Variants in LYRM4 observed in about 807,000 individuals in gnomAD.
The protein encoded by LYRM4 is LYR motif-containing protein 4.
In LYRM4, 9 loss-of-function variants were observed where a neutral mutation model predicts 11.7. The observed-to-expected ratio is 0.77, with a 90% confidence interval of 0.46 to 1.34. The LOEUF (loss-of-function observed/expected upper bound fraction) is 1.34. Ranked by LOEUF, LYRM4 falls within the 40% of genes most tolerant of loss-of-function variation. The pLI is 0.00. For synonymous variants in LYRM4, 42 were observed against 40.4 expected (o/e 1.04, Z -0.15); for missense variants, 133 against 112.5 (o/e 1.18, Z -0.82).
intron 2 of LYRM4, among the ~76,000 whole-genome samples, chr6:5,127,176 C>T (rs1411759221): frequency 6.6e-6 from 1 of 152,182 alleles, no homozygotes; most frequent in Non-Finnish European, 1.5e-5. Context: ...TCTCAAACTT[C>T]TGACCTTAAG....
At chr6:5,097,229 C>T in the LYRM4 span, among the ~76,000 whole-genome samples, 15 of 145,504 alleles carry the variant, frequency 1.0e-4, no homozygotes, top group Non-Finnish European at 2.1e-4. Context: ...AGGTTTCTCT[C>T]CCTCTTCTTA....
At chr6:5,177,998 AT>A (rs5873970) in intron 2 of LYRM4, among the ~76,000 whole-genome samples, 9 of 150,100 alleles carry the variant, frequency 6.0e-5, no homozygotes, top group African/African-American at 1.5e-4. Context: ...ATATGCCACT[AT>A]TTTTTTTTTA....
intron 2 of LYRM4, among the ~76,000 whole-genome samples, chr6:5,133,600 A>T (rs2127615456): frequency 6.6e-6 from 1 of 152,356 alleles, no homozygotes; most frequent in Admixed American, 6.5e-5. Context: ...CAGAATTATA[A>T]AAAATTGTGG....
chr6:5,252,634 G>A (rs1764487432), intron 1 of LYRM4, among the ~76,000 whole-genome samples: 1 of 152,104 alleles, frequency 6.6e-6, no homozygotes, highest in African/African-American at 2.4e-5. Flanking sequence ...TGCTAGAATA[G>A]CTGTATCCTA....
At chr6:5,144,089 G>T (rs1439739869) in intron 2 of LYRM4, 2 of 1,502,078 alleles carry the variant, frequency 1.3e-6, no homozygotes, top group African/African-American at 2.8e-5. Flanking sequence ...AATGCTTAGA[G>T]AGGTGAGAGC....
intron 2 of LYRM4, among the ~76,000 whole-genome samples, chr6:5,188,587 G>C (rs1371487722): frequency 6.6e-6 from 1 of 152,180 alleles, no homozygotes; most frequent in East Asian, 1.9e-4. Flanking sequence ...TAGTCTGAGT[G>C]ATCTGGGTGT....
intron 2 of LYRM4, among the ~76,000 whole-genome samples, chr6:5,200,755 C>T (rs1368460407): frequency 1.3e-5 from 2 of 152,142 alleles, no homozygotes; most frequent in African/African-American, 2.4e-5. Context: ...GTCATCACTT[C>T]GGGATACTGA....
At chr6:5,256,813 G>A (rs1009536889) in intron 1 of LYRM4, among the ~76,000 whole-genome samples, 1 of 152,084 alleles carries the variant, frequency 6.6e-6, no homozygotes, top group Non-Finnish European at 1.5e-5. Context: ...AGCTAGTTCT[G>A]TATTACCTGA....
intron 2 of LYRM4, among the ~76,000 whole-genome samples, chr6:5,144,827 A>T (rs1757625348): frequency 6.6e-6 from 1 of 152,078 alleles, no homozygotes; most frequent in Non-Finnish European, 1.5e-5. Flanking sequence ...AAACCTCCGT[A>T]ATCCCTTCCC....
chr6:5,167,952 T>A (rs1222738600), intron 2 of LYRM4, among the ~76,000 whole-genome samples: 3 of 151,982 alleles, frequency 2.0e-5, no homozygotes, highest in African/African-American at 7.2e-5. Flanking sequence ...AAGGATGTGT[T>A]CAGAGACTAA....
the LYRM4 span, among the ~76,000 whole-genome samples, chr6:5,040,517 C>T: frequency 6.7e-6 from 1 of 148,438 alleles, no homozygotes; most frequent in Non-Finnish European, 1.5e-5. Flanking sequence ...GCCTGGGCAA[C>T]ATAGGGAGAC....
At chr6:5,230,146 A>G (rs1763148476) in intron 1 of LYRM4, among the ~76,000 whole-genome samples, 1 of 152,186 alleles carries the variant, frequency 6.6e-6, no homozygotes, top group Non-Finnish European at 1.5e-5. Flanking sequence ...AGACGTGCCT[A>G]TTTAGACAGT....
intron 2 of LYRM4, among the ~76,000 whole-genome samples, chr6:5,153,362 A>G (rs1400059699): frequency 6.6e-6 from 1 of 152,206 alleles, no homozygotes; most frequent in African/African-American, 2.4e-5. Flanking sequence ...AAGTGCTGGG[A>G]TTACAAGTGT....
chr6:5,154,255 TAACA>T (rs1161793653), intron 2 of LYRM4, among the ~76,000 whole-genome samples: 5 of 152,232 alleles, frequency 3.3e-5, no homozygotes, highest in Non-Finnish European at 5.9e-5. Context: ...CCTATTAAGT[TAACA>T]TAAAAATGTA....
the LYRM4 span, chr6:5,042,482 C>T: frequency 6.8e-3 from 1,031 of 152,706 alleles, 16 homozygotes; most frequent in African/African-American, 0.022. Context: ...TCACCTCTAA[C>T]GGGTCACAAT....
At chr6:5,121,205 C>T (rs1042136403) in intron 2 of LYRM4, among the ~76,000 whole-genome samples, 1 of 152,192 alleles carries the variant, frequency 6.6e-6, no homozygotes, top group African/African-American at 2.4e-5. Context: ...GTACATAGGG[C>T]CATGGACTAC....
intron 2 of LYRM4, chr6:5,138,713 G>A (rs1437952716): frequency 6.5e-7 from 1 of 1,532,532 alleles, no homozygotes; most frequent in Non-Finnish European, 8.7e-7. Flanking sequence ...CAAACCTGGT[G>A]GCAGACAATG....
At position 5,216,769 on chromosome 6, in the gene LYRM4, G is replaced by T. The variant is rs745604611; in HGVS notation, c.87-31C>A. 12 of 1,602,238 alleles carry T rather than the reference G, an allele frequency of 7.5e-6. No homozygotes were observed. The African/African-American group carries it at 1.3e-4, about 18-fold the overall frequency. On this transcript the variant is annotated intron_variant, in intron 1 of 2. Coordinates refer to ENST00000330636, the MANE Select transcript of LYRM4 (RefSeq NM_020408.6). ...TGAATTCAGAGGAAAAAAAAGAAAA[G>T]GTGTCAGCGTGTCTGAGGCTATGCT... is the stretch of plus-strand genomic sequence containing the variant.
chr6:5,163,158 G>C (rs1026833118), intron 2 of LYRM4, among the ~76,000 whole-genome samples: 1 of 152,092 alleles, frequency 6.6e-6, no homozygotes, highest in African/African-American at 2.4e-5. Flanking sequence ...CCTGCTCCAA[G>C]TTTACAAAGG....
Sources: allele counts gnomAD v4.1 joint callset (sites outside exome capture counted in the v4.1 genomes callset), GRCh38; gene constraint gnomAD v4.1.1; transcripts MANE v1.5; gene names NCBI Gene and HGNC (gene_info 2026-07-23, HGNC 2026-07-21).